TMEM232: variants seen among roughly 807,000 people sequenced by gnomAD.
TMEM232 encodes the protein transmembrane protein 232.
A neutral mutation model predicts 78.8 loss-of-function variants in TMEM232; 80 were observed. That is an observed-to-expected ratio of 1.01 (90% CI 0.85 to 1.22). The LOEUF is 1.22. Ranked by LOEUF, TMEM232 falls within the 50% of genes most tolerant of loss-of-function variation. TMEM232 has a pLI of 0.00. For synonymous variants in TMEM232, 297 were observed against 254.3 expected (o/e 1.17, Z -1.60); for missense variants, 881 against 742.2 (o/e 1.19, Z -2.17).
chr5:110,730,029 C>G (rs1798529548), upstream of TMEM232, among the ~76,000 whole-genome samples: 1 of 152,044 alleles, frequency 6.6e-6, no homozygotes, highest in South Asian at 2.1e-4. Flanking sequence ...AAAATTTTAC[C>G]TAGAGAAATC....
intron 2 of TMEM232, among the ~76,000 whole-genome samples, chr5:110,653,430 T>C (rs1788606853): frequency 6.6e-6 from 1 of 152,162 alleles, no homozygotes; most frequent in South Asian, 2.1e-4. Context: ...GCATTACTCT[T>C]TTTGGTGAGA....
chr5:110,510,644 A>C (rs1010469529), intron 12 of TMEM232, among the ~76,000 whole-genome samples: 2 of 152,234 alleles, frequency 1.3e-5, no homozygotes, highest in African/African-American at 4.8e-5. Flanking sequence ...GGATATGAAC[A>C]GACACTTCTC....
intron 1 of TMEM232, among the ~76,000 whole-genome samples, chr5:110,672,953 G>T: frequency 6.6e-6 from 1 of 151,992 alleles, no homozygotes; most frequent in East Asian, 1.9e-4. Flanking sequence ...CCATTACTGG[G>T]TATATACCCA....
At chr5:110,554,937 T>G (rs1774898805) in intron 11 of TMEM232, among the ~76,000 whole-genome samples, 1 of 152,144 alleles carries the variant, frequency 6.6e-6, no homozygotes, top group Non-Finnish European at 1.5e-5. Context: ...TTTTCTAGTT[T>G]GTGCGCATAG....
intron 12 of TMEM232, among the ~76,000 whole-genome samples, chr5:110,494,458 G>A (rs1159065293): frequency 6.6e-6 from 1 of 152,198 alleles, no homozygotes; most frequent in East Asian, 1.9e-4. Context: ...ACATGTTGAT[G>A]AGTATGTGGA....
chr5:110,693,352 G>GAA (rs923988043), intron 1 of TMEM232, among the ~76,000 whole-genome samples: 1 of 152,128 alleles, frequency 6.6e-6, no homozygotes, highest in African/African-American at 2.4e-5. Context: ...CAAAGATGGG[G>GAA]AAAAAACAGA....
chr5:110,698,218 T>A (rs984867790), intron 1 of TMEM232, among the ~76,000 whole-genome samples: 1 of 150,732 alleles, frequency 6.6e-6, no homozygotes, highest in Admixed American at 6.6e-5. Context: ...TTCTCACTCA[T>A]AGGTGGGAAT....
At chr5:110,464,261 T>C (rs1761841135) in intron 12 of TMEM232, among the ~76,000 whole-genome samples, 1 of 152,164 alleles carries the variant, frequency 6.6e-6, no homozygotes, top group African/African-American at 2.4e-5. Context: ...ATATTTAATA[T>C]TTATCAAATG....
intron 7 of TMEM232, among the ~76,000 whole-genome samples, chr5:110,620,712 A>G (rs922134062): frequency 3.4e-5 from 5 of 149,216 alleles, no homozygotes; most frequent in South Asian, 2.1e-4. Flanking sequence ...AATAAACCCA[A>G]TATGTCTAAT....
intron 12 of TMEM232, among the ~76,000 whole-genome samples, chr5:110,441,234 A>G (rs1004142991): frequency 6.6e-6 from 1 of 152,154 alleles, no homozygotes; most frequent in Non-Finnish European, 1.5e-5. Context: ...TCTGCCCACT[A>G]GATGTCAGTA....
upstream of TMEM232, among the ~76,000 whole-genome samples, chr5:110,728,257 A>G (rs9686136): frequency 6.6e-6 from 1 of 151,816 alleles, no homozygotes; most frequent in Non-Finnish European, 1.5e-5. Context: ...TATTCTAAAT[A>G]TATCTACTGA....
intron 12 of TMEM232, among the ~76,000 whole-genome samples, chr5:110,478,821 T>C (rs908552900): frequency 1.8e-4 from 28 of 151,688 alleles, no homozygotes; most frequent in African/African-American, 5.8e-4. Flanking sequence ...GCTAATGAAA[T>C]GCTAAGCAGT....
intron 12 of TMEM232, among the ~76,000 whole-genome samples, chr5:110,462,707 A>T (rs1474440301): frequency 1.3e-5 from 2 of 152,140 alleles, no homozygotes; most frequent in African/African-American, 4.8e-5. Context: ...TTGTGATAAT[A>T]TGAGTCAATA....
intron 12 of TMEM232, among the ~76,000 whole-genome samples, chr5:110,491,173 G>T (rs1210833341): frequency 6.6e-6 from 1 of 151,936 alleles, no homozygotes; most frequent in Non-Finnish European, 1.5e-5. Flanking sequence ...GATTTAAATA[G>T]ATTTTTTTAA....
At chr5:110,599,342 G>A (rs1780598966) in intron 10 of TMEM232, among the ~76,000 whole-genome samples, 4 of 152,074 alleles carry the variant, frequency 2.6e-5, no homozygotes, top group Non-Finnish European at 5.9e-5. Context: ...AATGTTAATA[G>A]GCTAAATGTC....
At chr5:110,542,164 CA>C (rs1312028040) in intron 11 of TMEM232, among the ~76,000 whole-genome samples, 3 of 152,082 alleles carry the variant, frequency 2.0e-5, no homozygotes, top group African/African-American at 7.2e-5. Flanking sequence ...AGAAGACAGC[CA>C]AAAGATAAGT....
Position 110,629,651 on chromosome 5 carries a change from C to T in TMEM232, c.502-1771G>A, listed in dbSNP as rs149129697. Among the ~76,000 whole-genome samples, 1,518 of 152,130 alleles carry T rather than the reference C, an allele frequency of 1.0e-2. 34 individuals carry two copies. The highest frequency in any genetic ancestry group is 0.034 in the African/African-American group (1,418 of 41,510). ...TTCTCTCTTTCTATTTCCATCTCTT[C>T]TTCTCTTTTTTTCTGATACTTTTAT... On this transcript the variant is annotated intron_variant, in intron 5 of 13. Coordinates refer to ENST00000455884, the MANE Select transcript of TMEM232 (RefSeq NM_001039763.4).
chr5:110,612,574 G>A (rs1782445304), intron 8 of TMEM232, among the ~76,000 whole-genome samples: 1 of 152,134 alleles, frequency 6.6e-6, no homozygotes, highest in Admixed American at 6.6e-5. Context: ...TAGCTGAAAA[G>A]GAAGTGCCTT....
At chr5:110,600,326 G>A (rs1160239682) in intron 10 of TMEM232, among the ~76,000 whole-genome samples, 4 of 152,104 alleles carry the variant, frequency 2.6e-5, no homozygotes, top group Admixed American at 2.6e-4. Context: ...CAGAACTGAA[G>A]GAGACAGAGA....
Sources: gnomAD v4.1 joint callset for allele counts (sites outside exome capture counted in the v4.1 genomes callset) on GRCh38, gnomAD v4.1.1 for gene constraint, MANE v1.5 for transcripts, NCBI Gene and HGNC (gene_info 2026-07-23, HGNC 2026-07-21) for gene names.